Variants in CSE1L observed in about 807,000 individuals in gnomAD.
CSE1L encodes the protein exportin-2.
A neutral mutation model predicts 120.4 loss-of-function variants in CSE1L; 24 were observed. The ratio of observed to expected loss-of-function variants is 0.20; its 90% CI spans 0.14 to 0.28. The LOEUF (loss-of-function observed/expected upper bound fraction) is 0.28. CSE1L is among the 10% of genes least tolerant of loss of function. The pLI is 1.00. For missense variants in CSE1L, 830 were observed against 1,145.2 expected, an observed-to-expected ratio of 0.72 and a Z score of 3.97; for synonymous variants, 402 against 398.3, an observed-to-expected ratio of 1.01 and a Z score of -0.11.
chr20:49,065,345 G>T (rs6063349), intron 3 of CSE1L, among the ~76,000 whole-genome samples: 5 of 91,532 alleles, frequency 5.5e-5, no homozygotes, highest in African/African-American at 7.8e-5. Context: ...TTTTTTGAGA[G>T]GGAGTCTTGC....
Position 49,068,787 on chromosome 20 carries a change from C to T in CSE1L, c.640C>T (p.Leu214=), listed in dbSNP as rs536155012. 2.5e-6 allele frequency: 4 copies of T among 1,613,082 alleles called. No individual in the cohort carries two copies. Among genetic ancestry groups the T allele is most frequent in the East Asian group, 2.2e-5 (1 of 44,872 alleles). The change falls in exon 7 of 25, where the codon CTG becomes TTG. Residue 214 remains leucine, a synonymous_variant. Transcript: ENST00000262982. Reference sequence around the variant, plus strand: ...GAGGATTCTGTTTTCTTCCCTGATCCTGATCTCAAAATTGTTCTATAGTTT... The same window carrying T: ...GAGGATTCTGTTTTCTTCCCTGATCTTGATCTCAAAATTGTTCTATAGTTT... The part of the protein sequence containing the change: ...ALRILFSSLI[L]ISKLFYSLNF...
chr20:49,069,216 CTT>C (rs2091914992), intron 7 of CSE1L, among the ~76,000 whole-genome samples: 1 of 152,036 alleles, frequency 6.6e-6, no homozygotes, highest in Non-Finnish European at 1.5e-5. Context: ...TACAAAATGA[CTT>C]TTATTGGAAG....
chr20:49,063,331 G>A lies in CSE1L; in HGVS notation c.215G>A (p.Arg72Lys). 2 of 1,493,878 alleles carry A rather than the reference G, an allele frequency of 1.3e-6. No individual in the cohort carries two copies. The highest frequency in any genetic ancestry group is 1.4e-5 in the African/African-American group (1 of 70,104). The allele number at this position is 1,493,878 out of a possible 1,614,324, so 92.5% of individuals were successfully genotyped here. A position where few individuals can be genotyped will look rare whatever the true frequency, so the allele number is the denominator to read the frequency against. ...GTAACATTCAAAAACTATATTAAAA[G>A]GAACTGGAGAATTGTAAGTATTTTG... ...ASVTFKNYIK[R>K]NWRIVEDEPN... Residue 72 changes from arginine (R) to lysine (K), a missense_variant, in exon 3 of 25, where the codon AGG (arginine) becomes AAG (lysine). Arg to Lys is a conservative substitution (Grantham distance 26). Transcript: ENST00000262982.
At chr20:49,086,401 T>C (rs2092058432) in intron 16 of CSE1L, among the ~76,000 whole-genome samples, 1 of 143,504 alleles carries the variant, frequency 7.0e-6, no homozygotes, top group African/African-American at 2.7e-5. Flanking sequence ...GTTTCACTCT[T>C]GTTGCCCAGG....
At chr20:49,056,925 GTACAA>G (rs1190183940) in intron 1 of CSE1L, among the ~76,000 whole-genome samples, 1 of 151,838 alleles carries the variant, frequency 6.6e-6, no homozygotes. Flanking sequence ...ATTTTCAAGT[GTACAA>G]TACATTATTA....
intron 3 of CSE1L, among the ~76,000 whole-genome samples, chr20:49,064,507 C>T (rs1241640293): frequency 6.6e-6 from 1 of 151,916 alleles, no homozygotes; most frequent in Non-Finnish European, 1.5e-5. Flanking sequence ...CTCAGCAATT[C>T]AAGACCAGCT....
At chr20:49,052,350 G>A (rs2091773168) in intron 1 of CSE1L, among the ~76,000 whole-genome samples, 1 of 152,234 alleles carries the variant, frequency 6.6e-6, no homozygotes. Context: ...TATTTCAAAT[G>A]AGGGTAATTG....
chr20:49,091,954 AT>A, intron 21 of CSE1L, 91 bp from the exon 22 acceptor site: 1 of 701,376 alleles, frequency 1.4e-6, no homozygotes, highest in Admixed American at 3.0e-5. Context: ...TTGGATGTTA[AT>A]GATTAAGCAT....
At chr20:49,093,052 A>G (rs1600552759) in intron 22 of CSE1L, among the ~76,000 whole-genome samples, 4 of 152,368 alleles carry the variant, frequency 2.6e-5, no homozygotes, top group Admixed American at 2.6e-4. Context: ...GATAAGATAA[A>G]GAACAACTCT....
intron 14 of CSE1L, among the ~76,000 whole-genome samples, chr20:49,081,323 G>T (rs1029070236): frequency 6.6e-6 from 1 of 152,000 alleles, no homozygotes; most frequent in Non-Finnish European, 1.5e-5. Context: ...TCGTTCTGTC[G>T]CCCAGGCTGG....
At chr20:49,058,005 A>G (rs2091822552) in intron 1 of CSE1L, among the ~76,000 whole-genome samples, 1 of 152,082 alleles carries the variant, frequency 6.6e-6, no homozygotes, top group South Asian at 2.1e-4. Flanking sequence ...TCCTGAGCTC[A>G]AGCAGTCCAC....
chr20:49,060,982 G>A (rs1294671429), intron 2 of CSE1L, among the ~76,000 whole-genome samples: 3 of 152,020 alleles, frequency 2.0e-5, no homozygotes, highest in African/African-American at 7.3e-5. Flanking sequence ...TATGTATGAT[G>A]ACTAGAATCA....
intron 12 of CSE1L, among the ~76,000 whole-genome samples, chr20:49,076,416 C>T (rs908700922): frequency 2.9e-4 from 44 of 151,880 alleles, no homozygotes; most frequent in African/African-American, 1.1e-3. Flanking sequence ...GAACTCCTGA[C>T]CTCAGGTGAT....
At chr20:49,083,383 A>C (rs1364528597) in intron 14 of CSE1L, among the ~76,000 whole-genome samples, 1 of 152,124 alleles carries the variant, frequency 6.6e-6, no homozygotes, top group African/African-American at 2.4e-5. Flanking sequence ...CAGCCTCTCA[A>C]GTTGCTGGGA....
rs1043112260 is a variant in CSE1L at position 49,070,297 on chromosome 20, T to A, written c.768T>A (p.Asp256Glu). 2 of 1,316,212 alleles carry A rather than the reference T, an allele frequency of 1.5e-6. No homozygotes were observed. The highest frequency in any genetic ancestry group is 2.0e-5 in the Admixed American group (1 of 48,964). The allele number at this position is 1,316,212 out of a possible 1,614,324, so 81.5% of individuals were successfully genotyped here. Residue 256 changes from aspartate (D) to glutamate (E), a missense_variant and splice_region_variant, in exon 8 of 25, where the codon GAT (aspartate) becomes GAA (glutamate). Asp to Glu is a conservative substitution (Grantham distance 45). Coordinates refer to ENST00000262982, the MANE Select transcript of CSE1L (RefSeq NM_001316.4). ...LTLDNKLLQT[D>E]DEEEAGLLEL... ...TGGATAATAAGCTTTTACAAACTGA[T>A]GTAAGTATTTAAAATGTTGCCTGAG...
At position 49,072,099 on chromosome 20, in the gene CSE1L, T is replaced by C. The variant is rs1221862500; in HGVS notation, c.769-187T>C. Reference sequence around the variant, plus strand: ...CTGTTTGAATCTAATACGGAAATATTTTGTAATTCAGCAACTTATTTGAAA... The same window carrying C: ...CTGTTTGAATCTAATACGGAAATATCTTGTAATTCAGCAACTTATTTGAAA... On this transcript the variant is annotated intron_variant, in intron 8 of 24. Coordinates refer to ENST00000262982, the MANE Select transcript of CSE1L (RefSeq NM_001316.4). 3.3e-5 allele frequency among the ~76,000 whole-genome samples: 5 copies of C among 152,226 alleles called. No homozygotes were observed. The East Asian group carries it at 9.6e-4, about 29-fold the overall frequency.
chr20:49,051,250 A>G (rs2091764105), intron 1 of CSE1L, among the ~76,000 whole-genome samples: 1 of 151,754 alleles, frequency 6.6e-6, no homozygotes, highest in Non-Finnish European at 1.5e-5. Flanking sequence ...TGACATTTGA[A>G]AAGAGTCCTT....
chr20:49,050,569 A>ATT (rs796356337), intron 1 of CSE1L, among the ~76,000 whole-genome samples: 1 of 141,738 alleles, frequency 7.1e-6, no homozygotes, highest in African/African-American at 2.6e-5. Flanking sequence ...CGCCCGGCTA[A>ATT]TTTTTTTTTT....
In CSE1L at chr20:49,096,828, T is replaced by G. The variant is rs1025022206; in HGVS notation, c.*390T>G. 1 of 171,988 alleles carries G rather than the reference T, an allele frequency of 5.8e-6. No homozygotes were observed. The highest frequency in any genetic ancestry group is 1.2e-5 in the Non-Finnish European group (1 of 80,268). 10.7% of individuals were successfully genotyped at this position (171,988 alleles called of 1,614,324 possible). A position where few individuals can be genotyped will look rare whatever the true frequency, so the allele number is the denominator to read the frequency against. On this transcript the variant is annotated 3_prime_UTR_variant, in exon 25 of 25. Coordinates refer to ENST00000262982, the MANE Select transcript of CSE1L (RefSeq NM_001316.4). ...TTGTCCTTTATATTTTTTGTCTGTT[T>G]ATTTACGCTTTTATTGGAAATGTGA... is the stretch of plus-strand genomic sequence containing the variant.
Sources: gnomAD v4.1 joint callset for allele counts (sites outside exome capture counted in the v4.1 genomes callset) on GRCh38, gnomAD v4.1.1 for gene constraint, MANE v1.5 for transcripts, NCBI Gene and HGNC (gene_info 2026-07-23, HGNC 2026-07-21) for gene names.